Variants in CERKL observed in about 807,000 individuals in gnomAD.
The protein encoded by CERKL is ceramide kinase-like protein.
Under a neutral mutation model 63.4 loss-of-function variants are expected in CERKL, and 61 were observed. That is an observed-to-expected ratio of 0.96 (90% CI 0.78 to 1.19). The LOEUF (loss-of-function observed/expected upper bound fraction) is 1.19. Among genes scored for constraint, CERKL ranks in the 50% most tolerant of loss-of-function variants. CERKL has a pLI of 0.00. For synonymous variants in CERKL, 250 were observed against 230.5 expected (o/e 1.08, Z -0.77); for missense variants, 675 against 655.5 (o/e 1.03, Z -0.33).
chr2:181,625,329 A>G (rs1034097248), intron 1 of CERKL, among the ~76,000 whole-genome samples: 37 of 152,116 alleles, frequency 2.4e-4, no homozygotes, highest in African/African-American at 8.9e-4. Flanking sequence ...GAGTGAATGT[A>G]TAAGTTATCT....
intron 1 of CERKL, among the ~76,000 whole-genome samples, chr2:181,641,332 TATATATATATATACATATATATAC>T (rs1178506972): frequency 0.036 from 380 of 10,436 alleles, 5 homozygotes; most frequent in South Asian, 0.18. Context: ...TATATATATA[TATATATATATATACATATATATAC>T]ACATATTTTT....
At chr2:181,624,375 A>G (rs1391151314) in intron 1 of CERKL, among the ~76,000 whole-genome samples, 2 of 150,740 alleles carry the variant, frequency 1.3e-5, no homozygotes, top group Non-Finnish European at 3.0e-5. Flanking sequence ...TAAAAGTTAA[A>G]AAAAAAAAAA....
At chr2:181,541,114 G>T (rs921513624) in intron 11 of CERKL, among the ~76,000 whole-genome samples, 1 of 152,182 alleles carries the variant, frequency 6.6e-6, no homozygotes, top group Non-Finnish European at 1.5e-5. Context: ...ACTATATTTG[G>T]AGATAAGATC....
rs996760003 is a variant in CERKL, at chr2:181,558,448, G to A, written c.820+118C>T. The A allele has an allele frequency of 1.3e-5, 15 of 1,128,288 alleles. No homozygotes were observed. Among genetic ancestry groups the A allele is most frequent in the Non-Finnish European group, 1.9e-5 (14 of 753,610 alleles). The allele number at this position is 1,128,288 out of a possible 1,614,324, so 69.9% of individuals were successfully genotyped here. A position where few individuals can be genotyped will look rare whatever the true frequency, so the allele number is the denominator to read the frequency against. On this transcript the variant is annotated intron_variant, in intron 5 of 12. Coordinates refer to ENST00000410087, the MANE Select transcript of CERKL (RefSeq NM_201548.5). The surrounding 1 kb of genome is among the most constrained non-coding windows in gnomAD (Gnocchi z 4.2). ...CTCACATTTGCTAGTGGGGATGCCA[G>A]AAGTCTGGATCTTTCAAAGTCTGTT...
intron 1 of CERKL, among the ~76,000 whole-genome samples, chr2:181,635,286 C>A (rs992435072): frequency 2.0e-4 from 30 of 151,934 alleles, no homozygotes; most frequent in Non-Finnish European, 4.4e-5. Context: ...AGCTAGGGTA[C>A]CAAGACATAT....
chr2:181,656,410 T>C (rs1209655899), intron 1 of CERKL, among the ~76,000 whole-genome samples: 3 of 151,318 alleles, frequency 2.0e-5, no homozygotes, highest in African/African-American at 2.4e-5. Context: ...AGGGGAGGAG[T>C]AGTTGACCTT....
In CERKL at chr2:181,549,393, A is replaced by T. The variant is rs184075165; in HGVS notation, c.895+241T>A. 3.0e-4 allele frequency among the ~76,000 whole-genome samples: 46 copies of T among 152,064 alleles called. No homozygotes were observed. In the East Asian group the frequency reaches 7.9e-3, roughly 26 times the overall value. On this transcript the variant is annotated intron_variant, in intron 6 of 12. Transcript: ENST00000410087. ...ATTATAATTTTGAGCACACTACAAT[A>T]TTTTTTTTCTGTACAGATTACAATA...
chr2:181,641,684 C>G (rs919783635), intron 1 of CERKL, among the ~76,000 whole-genome samples: 1 of 152,160 alleles, frequency 6.6e-6, no homozygotes, highest in Non-Finnish European at 1.5e-5. Flanking sequence ...ACATTTTCAA[C>G]TCTCCATGTG....
chr2:181,546,477 C>T (rs1687730248), intron 10 of CERKL, among the ~76,000 whole-genome samples: 1 of 152,216 alleles, frequency 6.6e-6, no homozygotes, highest in Non-Finnish European at 1.5e-5. Flanking sequence ...ATTTCTAAAT[C>T]ACACAAGGTT....
intron 2 of CERKL, among the ~76,000 whole-genome samples, chr2:181,577,089 AAC>A (rs773333306): frequency 1.3e-5 from 2 of 152,186 alleles, no homozygotes; most frequent in African/African-American, 4.8e-5. Context: ...TCATATTTAT[AAC>A]AGGTTCCCAG....
At chr2:181,621,745 G>A (rs541622316) in intron 1 of CERKL, among the ~76,000 whole-genome samples, 22 of 152,186 alleles carry the variant, frequency 1.4e-4, no homozygotes, top group Admixed American at 4.6e-4. Flanking sequence ...TATATACTTA[G>A]GTACATTATG....
Position 181,573,796 on chromosome 2 carries a change from A to AC in CERKL, c.569_570insG (p.Glu191Ter), listed in dbSNP as rs1689010064. 6.8e-6 allele frequency: 11 copies of AC among 1,612,632 alleles called. No homozygotes were observed. The highest frequency in any genetic ancestry group is 9.3e-6 in the Non-Finnish European group (11 of 1,179,076). ...TTCCTGCAAGCTTCAACAGAGGTTC[A>AC]ACCTTCTCATAATAAACCTGGGTAG... On this transcript the variant is annotated frameshift_variant, in exon 3 of 13. Coordinates refer to ENST00000410087, the MANE Select transcript of CERKL (RefSeq NM_201548.5). LOFTEE classifies it high-confidence loss of function.
chr2:181,609,191 G>T (rs1685848893), intron 1 of CERKL, among the ~76,000 whole-genome samples: 1 of 151,420 alleles, frequency 6.6e-6, no homozygotes, highest in Non-Finnish European at 1.5e-5. Context: ...GTGCCACGCT[G>T]GTGTGCTGCA....
intron 1 of CERKL, among the ~76,000 whole-genome samples, chr2:181,648,550 C>T (rs1348679203): frequency 6.6e-6 from 1 of 152,154 alleles, no homozygotes; most frequent in Non-Finnish European, 1.5e-5. Context: ...TACAGGAGTG[C>T]TACAGCTGTA....
intron 2 of CERKL, 120 bp downstream of exon 2, chr2:181,603,717 T>A (rs752977478): frequency 1.2e-5 from 12 of 1,023,268 alleles, no homozygotes; most frequent in Non-Finnish European, 1.7e-5. Context: ...CGACAAAAAC[T>A]AGGAACAGAA....
chr2:181,646,663 G>C (rs1687685232), intron 1 of CERKL, among the ~76,000 whole-genome samples: 1 of 152,222 alleles, frequency 6.6e-6, no homozygotes, highest in Admixed American at 6.5e-5. Context: ...ATAGAATGAA[G>C]TTCCCATGAG....
At chr2:181,656,742 C>T (rs1297580901) in intron 1 of CERKL, 27 bp downstream of exon 1, 13 of 1,550,606 alleles carry the variant, frequency 8.4e-6, no homozygotes, top group African/African-American at 2.8e-5. Flanking sequence ...CGGAGGGAGG[C>T]GAAGACGCTT....
At chr2:181,655,112 A>G (rs1688102260) in intron 1 of CERKL, among the ~76,000 whole-genome samples, 1 of 152,194 alleles carries the variant, frequency 6.6e-6, no homozygotes. Flanking sequence ...AGACCACCAA[A>G]TGGTTTTAGG....
chr2:181,612,344 T>C (rs901685558), intron 1 of CERKL, among the ~76,000 whole-genome samples: 1 of 152,198 alleles, frequency 6.6e-6, no homozygotes, highest in African/African-American at 2.4e-5. Flanking sequence ...TTTAAGTATA[T>C]GCACTCACAT....
Sources: gnomAD v4.1 joint callset for allele counts (sites outside exome capture counted in the v4.1 genomes callset) on GRCh38, gnomAD v4.1.1 for gene constraint, Gnocchi (gnomAD v3.1) non-coding constraint, MANE v1.5 for transcripts, NCBI Gene and HGNC (gene_info 2026-07-23, HGNC 2026-07-21) for gene names.